The following ARMC2 variants were observed in gnomAD, a reference collection of about 807,000 sequenced individuals.
ARMC2 encodes the protein armadillo repeat containing 2.
A neutral mutation model predicts 90.3 loss-of-function variants in ARMC2; 67 were observed. The observed-to-expected ratio is 0.74, with a 90% confidence interval of 0.61 to 0.91. The LOEUF is 0.91. Among genes scored for constraint, ARMC2 ranks in the 40% least tolerant of loss-of-function variants. The pLI is 0.00. For synonymous variants in ARMC2, 393 were observed against 393.0 expected (o/e 1.00, Z 0.00); for missense variants, 920 against 1,030.9 (o/e 0.89, Z 1.47).
At chr6:108,992,672 G>A in the ARMC2 span, 23 of 704,758 alleles carry the variant, frequency 3.3e-5, 1 homozygote, top group East Asian at 5.4e-5. Flanking sequence ...GAAACAAGAC[G>A]AGATACTGCC....
chr6:109,029,178 T>G, the ARMC2 span, among the ~76,000 whole-genome samples: 884 of 152,232 alleles, frequency 5.8e-3, 3 homozygotes, highest in Non-Finnish European at 8.6e-3. Context: ...TGATCCTAAA[T>G]TTTACAAAGA....
chr6:109,006,459 C>T, the ARMC2 span, among the ~76,000 whole-genome samples: 1 of 143,540 alleles, frequency 7.0e-6, no homozygotes, highest in Non-Finnish European at 1.5e-5. Context: ...ACCCCCTACC[C>T]CACGACAGGC....
intron 4 of ARMC2, among the ~76,000 whole-genome samples, chr6:108,871,613 G>A (rs753433401): frequency 6.6e-5 from 10 of 152,104 alleles, no homozygotes; most frequent in Non-Finnish European, 1.3e-4. Flanking sequence ...TTTTGGGAGT[G>A]CATGCTAGAA....
chr6:108,931,008 AC>A (rs1314191455), intron 11 of ARMC2, among the ~76,000 whole-genome samples: 3 of 150,902 alleles, frequency 2.0e-5, no homozygotes, highest in Non-Finnish European at 4.4e-5. Context: ...TTATTTAATC[AC>A]CCAGGAATTA....
intron 11 of ARMC2, among the ~76,000 whole-genome samples, chr6:108,935,831 TAG>T (rs1381115443): frequency 6.6e-6 from 1 of 152,214 alleles, no homozygotes; most frequent in African/African-American, 2.4e-5. Context: ...ACCTATAAGT[TAG>T]GTGTTCTTAC....
At chr6:108,959,246 CA>C (rs2128509397) in intron 13 of ARMC2, among the ~76,000 whole-genome samples, 1 of 152,186 alleles carries the variant, frequency 6.6e-6, no homozygotes, top group Non-Finnish European at 1.5e-5. Flanking sequence ...GCTTTCCTTT[CA>C]ACATAGTAAT....
the ARMC2 span, among the ~76,000 whole-genome samples, chr6:109,010,960 C>G: frequency 6.6e-6 from 1 of 152,180 alleles, no homozygotes; most frequent in Non-Finnish European, 1.5e-5. Flanking sequence ...CACATAAATG[C>G]ACTTGATGTA....
At chr6:108,904,773 C>T (rs988690632) in intron 8 of ARMC2, among the ~76,000 whole-genome samples, 17 of 152,148 alleles carry the variant, frequency 1.1e-4, no homozygotes, top group African/African-American at 4.1e-4. Context: ...GCAGATGGTG[C>T]AGGCAGTGGT....
the ARMC2 span, chr6:108,994,692 T>TTA: frequency 1.5e-5 from 15 of 1,030,762 alleles, no homozygotes; most frequent in African/African-American, 3.3e-5. Flanking sequence ...TCATAAGAAT[T>TTA]TATATCTTTT....
At chr6:108,991,421 T>C in the ARMC2 span, among the ~76,000 whole-genome samples, 1 of 152,162 alleles carries the variant, frequency 6.6e-6, no homozygotes, top group South Asian at 2.1e-4. Context: ...TTTAAAATTA[T>C]TTGTAGAGAT....
chr6:108,851,246 C>T (rs1228228334), intron 1 of ARMC2, among the ~76,000 whole-genome samples: 4 of 152,190 alleles, frequency 2.6e-5, no homozygotes, highest in Non-Finnish European at 5.9e-5. Context: ...ACTCCAGCTC[C>T]AGTGCCAGCC....
At chr6:108,983,684 C>CCAA in the ARMC2 span, among the ~76,000 whole-genome samples, 33 of 152,310 alleles carry the variant, frequency 2.2e-4, no homozygotes, top group African/African-American at 6.7e-4. Context: ...TGTGAGACCT[C>CCAA]CAACTTTGTT....
chr6:108,873,401 G>T (rs191301144), intron 4 of ARMC2, among the ~76,000 whole-genome samples: 1 of 152,236 alleles, frequency 6.6e-6, no homozygotes, highest in Non-Finnish European at 1.5e-5. Flanking sequence ...TTGTGATCCA[G>T]CCCCAGCGTA....
the ARMC2 span, among the ~76,000 whole-genome samples, chr6:109,042,868 A>G: frequency 5.1e-4 from 77 of 152,202 alleles, no homozygotes; most frequent in African/African-American, 1.9e-3. Flanking sequence ...GCTAGTATTA[A>G]CCTAATACCA....
chr6:109,019,379 T>C, the ARMC2 span, among the ~76,000 whole-genome samples: 1 of 152,338 alleles, frequency 6.6e-6, no homozygotes, highest in Admixed American at 6.5e-5. Context: ...GCTGGGGGAA[T>C]CTAGTTCAAA....
chr6:108,874,756 T>G (rs1162781882), intron 4 of ARMC2, among the ~76,000 whole-genome samples: 1 of 152,118 alleles, frequency 6.6e-6, no homozygotes, highest in Non-Finnish European at 1.5e-5. Flanking sequence ...AAGCCTGTGT[T>G]CTTCCCACCC....
chr6:109,014,472 A>G, the ARMC2 span, among the ~76,000 whole-genome samples: 1 of 152,236 alleles, frequency 6.6e-6, no homozygotes, highest in African/African-American at 2.4e-5. Context: ...CCAAAGCAGC[A>G]GTCACTATAT....
chr6:108,892,683 TG>T (rs1327483141), intron 5 of ARMC2, among the ~76,000 whole-genome samples: 2 of 143,952 alleles, frequency 1.4e-5, no homozygotes, highest in African/African-American at 5.3e-5. Flanking sequence ...CCCTTGGACC[TG>T]GGAGGCGGAA....
intron 12 of ARMC2, among the ~76,000 whole-genome samples, chr6:108,943,047 C>T (rs1203786753): frequency 1.3e-5 from 2 of 152,134 alleles, no homozygotes; most frequent in Admixed American, 6.6e-5. Flanking sequence ...AGGGGGAAAT[C>T]CTGTTTTGAA....
Sources: gnomAD v4.1 joint callset for allele counts (sites outside exome capture counted in the v4.1 genomes callset) on GRCh38, gnomAD v4.1.1 for gene constraint, MANE v1.5 for transcripts, NCBI Gene and HGNC (gene_info 2026-07-23, HGNC 2026-07-21) for gene names.